Variants in BTBD2 observed in about 807,000 individuals in gnomAD.
BTBD2 encodes BTB/POZ domain-containing protein 2.
A neutral mutation model predicts 44.0 loss-of-function variants in BTBD2; 15 were observed. The observed-to-expected ratio is 0.34, with a 90% CI of 0.23 to 0.53. The LOEUF is 0.53. Among genes scored for constraint, BTBD2 ranks in the 20% least tolerant of loss-of-function variants. The pLI is 0.95. For synonymous variants in BTBD2, 443 were observed against 335.9 expected (o/e 1.32, Z -3.49); for missense variants, 657 against 746.4 (o/e 0.88, Z 1.39).
intron 1 of BTBD2, among the ~76,000 whole-genome samples, chr19:2,010,391 G>A (rs2016449236): frequency 6.6e-6 from 1 of 152,150 alleles, no homozygotes; most frequent in Non-Finnish European, 1.5e-5. Flanking sequence ...GAAGCCGCGT[G>A]CAACCCCTGG....
intron 1 of BTBD2, among the ~76,000 whole-genome samples, chr19:2,013,124 G>A (rs2016488547): frequency 6.6e-6 from 1 of 152,188 alleles, no homozygotes. Context: ...ACCGCCCAGG[G>A]CAGGACCCCA....
chr19:1,990,315 C>G, intron 4 of BTBD2, 114 bp from the exon 5 acceptor site: 2 of 1,165,212 alleles, frequency 1.7e-6, no homozygotes, highest in Non-Finnish European at 2.4e-6. Flanking sequence ...AACTATGGCC[C>G]GTGGCCCAAA....
At chr19:1,993,256 C>A in intron 2 of BTBD2, 80 bp from the exon 3 acceptor site, 3 of 1,478,778 alleles carry the variant, frequency 2.0e-6, no homozygotes, top group Non-Finnish European at 2.7e-6. Flanking sequence ...ACCACTCAGA[C>A]CGTTAGACTC....
intron 1 of BTBD2, among the ~76,000 whole-genome samples, chr19:2,012,624 G>A (rs932407298): frequency 6.6e-6 from 1 of 152,138 alleles, no homozygotes; most frequent in Admixed American, 6.6e-5. Flanking sequence ...GGGGGTCCAC[G>A]CCCCTAACCC....
intron 1 of BTBD2, among the ~76,000 whole-genome samples, chr19:2,004,871 G>A (rs2016375270): frequency 6.6e-6 from 1 of 151,728 alleles, no homozygotes; most frequent in South Asian, 2.1e-4. Flanking sequence ...ACCCAGGCTG[G>A]AGTGCAGTGG....
chr19:1,986,950 G>A lies in BTBD2; in HGVS notation c.1296C>T (p.Val432=), dbSNP rs2016094137. The change falls in exon 8 of 9, where the codon GTC becomes GTT. Residue 432 remains valine (V), a synonymous_variant. Coordinates refer to ENST00000255608, the MANE Select transcript of BTBD2 (RefSeq NM_017797.4). ...IQIIHTDSNT[V]LGQNDTGFSC... is the part of the protein sequence containing the mutation. Reference sequence around the variant, plus strand: ...TGAAGCCCGTGTCGTTCTGGCCCAAGACGGTGTTGCTATCGGTGTGAATAA... The same window carrying A: ...TGAAGCCCGTGTCGTTCTGGCCCAAAACGGTGTTGCTATCGGTGTGAATAA... 5 of 1,613,166 alleles carry A rather than the reference G, an allele frequency of 3.1e-6. No individual in the cohort carries two copies. The East Asian group carries it at 1.1e-4, about 36-fold the overall frequency.
At chr19:2,014,226 G>C (rs1179378066) in intron 1 of BTBD2, 1 of 152,766 alleles carries the variant, frequency 6.5e-6, no homozygotes, top group Non-Finnish European at 1.5e-5. Flanking sequence ...AGGGGGAGAG[G>C]GGCGGCAGGC....
chr19:1,997,709 C>T (rs926358410), intron 1 of BTBD2, among the ~76,000 whole-genome samples: 3 of 152,348 alleles, frequency 2.0e-5, no homozygotes, highest in Non-Finnish European at 2.9e-5. Flanking sequence ...CAGGGCCTCA[C>T]GCTCTGCCAG....
chr19:2,001,000 G>C (rs1387126837), intron 1 of BTBD2, among the ~76,000 whole-genome samples: 1 of 152,206 alleles, frequency 6.6e-6, no homozygotes, highest in Non-Finnish European at 1.5e-5. Flanking sequence ...AGAAAGGATG[G>C]GGGACGGGCA....
intron 1 of BTBD2, among the ~76,000 whole-genome samples, chr19:1,999,665 C>CAA (rs1352763321): frequency 4.5e-5 from 6 of 132,098 alleles, no homozygotes; most frequent in Admixed American, 7.7e-5. Flanking sequence ...GACTCTGTCT[C>CAA]AAAAAAAAAA....
intron 2 of BTBD2, among the ~76,000 whole-genome samples, chr19:1,996,443 A>G (rs890977572): frequency 2.4e-5 from 3 of 127,656 alleles, no homozygotes; most frequent in African/African-American, 9.5e-5. Context: ...GTTTCCATTT[A>G]TTGTGTCTTT....
chr19:1,991,043 C>G (rs1282937241), intron 3 of BTBD2: 1 of 514,468 alleles, frequency 1.9e-6, no homozygotes, highest in East Asian at 3.5e-5. Context: ...AGTTCCCTCT[C>G]AGGACCTCAG....
chr19:1,987,811 T>C, intron 5 of BTBD2, 119 bp from the exon 6 acceptor site: 2 of 1,065,600 alleles, frequency 1.9e-6, no homozygotes, highest in Non-Finnish European at 2.6e-6. Flanking sequence ...TGCAGGGACC[T>C]GGGCAGCCCC....
intron 1 of BTBD2, among the ~76,000 whole-genome samples, chr19:2,011,763 G>GCTCCTC (rs2016467422): frequency 6.6e-6 from 1 of 152,020 alleles, no homozygotes; most frequent in Non-Finnish European, 1.5e-5. Flanking sequence ...TCCTGCTCCT[G>GCTCCTC]CTCCTCAGCC....
intron 1 of BTBD2, among the ~76,000 whole-genome samples, chr19:1,999,518 T>C (rs1255742261): frequency 6.6e-6 from 1 of 151,938 alleles, no homozygotes; most frequent in Admixed American, 6.6e-5. Flanking sequence ...CATTGAAAAT[T>C]AGCCAGGCAT....
chr19:2,015,660 C>T lies in BTBD2; in HGVS notation c.44G>A (p.Gly15Glu). Reference protein sequence around the residue: ...GSGGRASCPPGVGVGPGTGGS... With the variant: ...GSGGRASCPPEVGVGPGTGGS... ...CCCCGTGCCCGGGCCGACCCCGACCCCCGGCGGGCACGACGCACGCCCGCC... is the reference window on the plus strand; with the variant it reads ...CCCCGTGCCCGGGCCGACCCCGACCTCCGGCGGGCACGACGCACGCCCGCC... Residue 15 changes from glycine (G) to glutamate (E), a missense_variant, in exon 1 of 9, where the codon GGG becomes GAG. Around this residue, in one of 3 missense-constraint regions of BTBD2, gnomAD observed 191 missense variants for 188.5 expected, o/e 1.01. Transcript: ENST00000255608. 1 of 1,002,230 alleles carries T rather than the reference C, an allele frequency of 1.0e-6. No homozygotes were observed. The highest frequency in any genetic ancestry group is 1.2e-6 in the Non-Finnish European group (1 of 844,184). 62.1% of individuals were successfully genotyped at this position (1,002,230 alleles called of 1,614,324 possible). A position where few individuals can be genotyped will look rare whatever the true frequency, so the allele number is the denominator to read the frequency against.
At chr19:1,992,391 T>A (rs879654374) in intron 3 of BTBD2, among the ~76,000 whole-genome samples, 3 of 151,684 alleles carry the variant, frequency 2.0e-5, no homozygotes, top group African/African-American at 7.3e-5. Context: ...TGAACCACAG[T>A]GCCCGGCCTG....
chr19:2,009,401 T>C (rs962672312), intron 1 of BTBD2, among the ~76,000 whole-genome samples: 4 of 151,802 alleles, frequency 2.6e-5, no homozygotes, highest in African/African-American at 4.8e-5. Flanking sequence ...GGTTTCACCA[T>C]GTTGTCCAGG....
chr19:1,987,147 T>C lies in BTBD2; in HGVS notation c.1269+19A>G, dbSNP rs1331807639. ...CATGGGCCTGAGTGGGGCCTGGGGA[T>C]GAGGCTTGGGGCTGGTACCTGGATG... On this transcript the variant is annotated intron_variant, in intron 7 of 8. Coordinates refer to ENST00000255608, the MANE Select transcript of BTBD2 (RefSeq NM_017797.4). The C allele has an allele frequency of 6.2e-7, 1 of 1,611,882 alleles. No homozygotes were observed.
Sources: gnomAD v4.1 joint callset for allele counts (sites outside exome capture counted in the v4.1 genomes callset) on GRCh38, gnomAD v4.1.1 for gene constraint, gnomAD v4.1.1 regional missense constraint, MANE v1.5 for transcripts, NCBI Gene and HGNC (gene_info 2026-07-23, HGNC 2026-07-21) for gene names.